Variants in TMPRSS12 observed in about 807,000 individuals in gnomAD.
TMPRSS12 encodes the protein transmembrane serine protease 12, also known as transmembrane protease serine 12.
TMPRSS12 carries 25 observed loss-of-function variants against 26.0 expected under a neutral mutation model. That is an observed-to-expected ratio of 0.96 (90% CI 0.70 to 1.34). TMPRSS12 has a LOEUF of 1.34. TMPRSS12 is among the 40% of genes most tolerant of loss of function. The pLI, the probability that TMPRSS12 is intolerant of heterozygous loss-of-function variation, is 0.00. For synonymous variants in TMPRSS12, 150 were observed against 161.7 expected (o/e 0.93, Z 0.55); for missense variants, 441 against 440.1 (o/e 1.00, Z -0.02).
chr12:50,871,609 G>T (rs754553998), intron 3 of TMPRSS12, among the ~76,000 whole-genome samples: 2 of 152,106 alleles, frequency 1.3e-5, no homozygotes. Flanking sequence ...CTTAATTAAA[G>T]AGATTTTGCA....
At chr12:50,866,155 C>A (rs1294549003) in intron 3 of TMPRSS12, among the ~76,000 whole-genome samples, 1 of 152,152 alleles carries the variant, frequency 6.6e-6, no homozygotes, top group Non-Finnish European at 1.5e-5. Context: ...CCAAGACAAC[C>A]CACAGACCCT....
intron 3 of TMPRSS12, among the ~76,000 whole-genome samples, chr12:50,873,908 G>A (rs1214661690): frequency 6.6e-6 from 1 of 151,998 alleles, no homozygotes; most frequent in Non-Finnish European, 1.5e-5. Context: ...CTGGTTTCAG[G>A]TCCCTGTATT....
intron 3 of TMPRSS12, among the ~76,000 whole-genome samples, chr12:50,881,844 G>A (rs1938166253): frequency 1.3e-5 from 2 of 150,016 alleles, no homozygotes; most frequent in South Asian, 2.1e-4. Context: ...GGTGGCGTGA[G>A]CCTGTAATCC....
At chr12:50,870,706 A>T (rs541967453) in intron 3 of TMPRSS12, among the ~76,000 whole-genome samples, 1 of 152,236 alleles carries the variant, frequency 6.6e-6, no homozygotes, top group Admixed American at 6.5e-5. Flanking sequence ...GAAAACCCTA[A>T]AGACTCCTCC....
rs543289158 is a variant in TMPRSS12 at position 50,870,402 on chromosome 12, C to T, written c.652+11349C>T. ...AGAGGCATTCGGCAAAATCCAGCAT[C>T]GTTTTATGATTAAAACTCTCAGCAA... On this transcript the variant is annotated intron_variant, in intron 3 of 4. Transcript: ENST00000398458. 3.9e-5 allele frequency among the ~76,000 whole-genome samples: 6 copies of T among 151,946 alleles called. No homozygotes were observed. The South Asian group carries it at 1.2e-3, about 32-fold the overall frequency.
At chr12:50,869,316 A>C (rs1938020856) in intron 3 of TMPRSS12, among the ~76,000 whole-genome samples, 1 of 152,208 alleles carries the variant, frequency 6.6e-6, no homozygotes, top group East Asian at 1.9e-4. Flanking sequence ...GTAACAGGAG[A>C]TATTACAACT....
chr12:50,885,803 A>T, intron 4 of TMPRSS12: 3 of 358,506 alleles, frequency 8.4e-6, no homozygotes, highest in Non-Finnish European at 1.5e-5. Context: ...TTACAGGCAC[A>T]CATCACTATG....
intron 3 of TMPRSS12, among the ~76,000 whole-genome samples, chr12:50,869,567 C>T (rs949527499): frequency 2.0e-5 from 3 of 152,106 alleles, no homozygotes; most frequent in African/African-American, 7.2e-5. Flanking sequence ...TTCTACCAGA[C>T]ATTCAAAGAA....
Position 50,844,225 on chromosome 12 carries a change from T to C in TMPRSS12, c.383+188T>C, listed in dbSNP as rs147777979. 8.6e-3 allele frequency among the ~76,000 whole-genome samples: 1,308 copies of C among 152,224 alleles called. 14 individuals are homozygous for C. Among genetic ancestry groups the C allele is most frequent in the Middle Eastern group, 0.02 (6 of 294 alleles). On this transcript the variant is annotated intron_variant, in intron 2 of 4. Transcript: ENST00000398458. The stretch of plus-strand genomic sequence containing the variant: ...ATTATTATTATTATACTTTAAGTTC[T>C]GGGGTACATGTGCAGAACGTGCAGG...
At chr12:50,873,409 G>A (rs1938085386) in intron 3 of TMPRSS12, among the ~76,000 whole-genome samples, 1 of 152,100 alleles carries the variant, frequency 6.6e-6, no homozygotes, top group Non-Finnish European at 1.5e-5. Flanking sequence ...AAGTAACTAT[G>A]AGCCTACAAT....
intron 3 of TMPRSS12, among the ~76,000 whole-genome samples, chr12:50,860,440 G>A (rs1233681609): frequency 6.6e-6 from 1 of 152,032 alleles, no homozygotes; most frequent in Non-Finnish European, 1.5e-5. Flanking sequence ...TTAGAGATGG[G>A]GGTCTCACTC....
Position 50,887,390 on chromosome 12 carries a change from C to G in TMPRSS12, c.924C>G (p.Phe308Leu). The G allele has an allele frequency of 6.2e-7, 1 of 1,613,920 alleles. No individual in the cohort carries two copies. The highest frequency in any genetic ancestry group is 8.5e-7 in the Non-Finnish European group (1 of 1,179,860). ...GFPGVYIGPS[F>L]YQKWLTEHFF... Reference sequence around the variant, plus strand: ...CTGGTGTCTATATTGGGCCATCCTTCTACCAAAAGTGGCTGACAGAGCATT... The same window carrying G: ...CTGGTGTCTATATTGGGCCATCCTTGTACCAAAAGTGGCTGACAGAGCATT... The change falls in exon 5 of 5, where the codon TTC (phenylalanine) becomes TTG (leucine). Residue 308 changes from phenylalanine to leucine, a missense_variant. Physicochemically the swap from Phe to Leu is conservative, Grantham distance 22. Coordinates refer to ENST00000398458, the MANE Select transcript of TMPRSS12 (RefSeq NM_182559.3).
intron 3 of TMPRSS12, among the ~76,000 whole-genome samples, chr12:50,873,014 AGAAT>A (rs2139733177): frequency 6.6e-6 from 1 of 151,042 alleles, no homozygotes; most frequent in South Asian, 2.1e-4. Flanking sequence ...GCCATAAAAA[AGAAT>A]GAATTAACGG....
chr12:50,880,023 A>G (rs191374739), intron 3 of TMPRSS12, among the ~76,000 whole-genome samples: 35 of 152,324 alleles, frequency 2.3e-4, no homozygotes, highest in Non-Finnish European at 3.8e-4. Context: ...ATAAGTCACC[A>G]TAGTGTTTGC....
chr12:50,874,677 C>T (rs1174666011), intron 3 of TMPRSS12, among the ~76,000 whole-genome samples: 1 of 152,134 alleles, frequency 6.6e-6, no homozygotes, highest in East Asian at 1.9e-4. Flanking sequence ...AAAGACTCCA[C>T]CAAAGGCTCC....
In TMPRSS12 at chr12:50,858,777, T is replaced by C; in HGVS notation, c.384-8T>C. 4 of 1,519,374 alleles carry C rather than the reference T, an allele frequency of 2.6e-6. No individual in the cohort carries two copies. The highest frequency in any genetic ancestry group is 1.4e-5 in the South Asian group (1 of 73,918). 94.1% of individuals were successfully genotyped at this position (1,519,374 alleles called of 1,614,324 possible). On this transcript the variant is annotated splice_region_variant and splice_polypyrimidine_tract_variant and intron_variant, in intron 2 of 4. Transcript: ENST00000398458. ...ATATTTATAATAAGAATGTTTACTT[T>C]CTTTCAGCGATCCTTTAATGTGGAC...
chr12:50,863,614 G>T (rs1021299055), intron 3 of TMPRSS12, among the ~76,000 whole-genome samples: 1 of 152,192 alleles, frequency 6.6e-6, no homozygotes, highest in South Asian at 2.1e-4. Context: ...ACGATTGATA[G>T]ATGCAACAAG....
chr12:50,846,500 AT>A (rs1937768996), intron 2 of TMPRSS12, among the ~76,000 whole-genome samples: 2 of 152,084 alleles, frequency 1.3e-5, no homozygotes, highest in South Asian at 4.2e-4. Context: ...TGATGTATAT[AT>A]CTGTCCTTAT....
intron 3 of TMPRSS12, among the ~76,000 whole-genome samples, chr12:50,882,725 A>G (rs1488180893): frequency 4.2e-5 from 1 of 23,686 alleles, no homozygotes; most frequent in Non-Finnish European, 1.1e-4. Context: ...CCAAAGAAGA[A>G]ATGGAAATCC....
Sources: allele counts gnomAD v4.1 joint callset (sites outside exome capture counted in the v4.1 genomes callset), GRCh38; gene constraint gnomAD v4.1.1; transcripts MANE v1.5; gene names NCBI Gene and HGNC (gene_info 2026-07-23, HGNC 2026-07-21).